ARHGAP32: variants seen among roughly 807,000 people sequenced by gnomAD.
The protein encoded by ARHGAP32 is Rho GTPase activating protein 32, also known as rho GTPase-activating protein 32.
Under a neutral mutation model 186.5 loss-of-function variants are expected in ARHGAP32, and 51 were observed. The ratio of observed to expected loss-of-function variants is 0.27; its 90% CI spans 0.22 to 0.35. The LOEUF (loss-of-function observed/expected upper bound fraction) is 0.35, where lower values mean the gene tolerates loss of function less well. Ranked by LOEUF, ARHGAP32 falls within the 10% of genes least tolerant of loss-of-function variation. The pLI, the probability that ARHGAP32 is intolerant of heterozygous loss-of-function variation, is 1.00. For synonymous variants in ARHGAP32, 950 were observed against 964.3 expected (o/e 0.99, Z 0.27); for missense variants, 2,186 against 2,623.5 (o/e 0.83, Z 3.64).
chr11:129,030,882 T>C (rs1177310849), intron 11 of ARHGAP32, among the ~76,000 whole-genome samples: 1 of 152,208 alleles, frequency 6.6e-6, no homozygotes, highest in East Asian at 1.9e-4. Flanking sequence ...TAGTGAATAC[T>C]CGTGAGATCT....
chr11:129,193,123 G>C (rs774874263), upstream of ARHGAP32, among the ~76,000 whole-genome samples: 38 of 151,830 alleles, frequency 2.5e-4, no homozygotes, highest in Non-Finnish European at 4.9e-4. Context: ...CACTGTATCT[G>C]ATTTAATCAA....
In ARHGAP32 at chr11:129,134,092, T is replaced by C. The variant is rs114034373; in HGVS notation, c.226-9198A>G. ...TTAGTAAATTGGAACCAAGAGTATG[T>C]AAAAAAGATAAAAACACTACGATCA... On this transcript the variant is annotated intron_variant, in intron 2 of 22. Coordinates refer to ENST00000682385, the MANE Select transcript of ARHGAP32 (RefSeq NM_001378024.1). 2.6e-3 allele frequency among the ~76,000 whole-genome samples: 399 copies of C among 151,928 alleles called. 5 individuals are homozygous for C. Among genetic ancestry groups the C allele is most frequent in the African/African-American group, 9.2e-3 (380 of 41,416 alleles).
intron 1 of ARHGAP32, among the ~76,000 whole-genome samples, chr11:129,171,382 T>C (rs1320757147): frequency 6.6e-6 from 1 of 152,236 alleles, no homozygotes; most frequent in Non-Finnish European, 1.5e-5. Context: ...TTCAGTTTTC[T>C]GTATATGGCT....
At chr11:129,217,263 T>G (rs1944659967) in intron 1 of ARHGAP32, among the ~76,000 whole-genome samples, 1 of 152,174 alleles carries the variant, frequency 6.6e-6, no homozygotes, top group South Asian at 2.1e-4. Context: ...CCCCCTTTCT[T>G]GTTAGCTATT....
Position 129,123,485 on chromosome 11 carries a change from C to T in ARHGAP32, c.405G>A (p.Ala135=), listed in dbSNP as rs1323223058. ...KGHFPKMAEC[A]HFHYENVEFG... The stretch of plus-strand genomic sequence containing the variant: ...ACTCAACATTCTCATAATGGAAATG[C>T]GCACATTCAGCCATCTTCGGAAAGT... The change falls in exon 5 of 23, where the codon GCG becomes GCA. Residue 135 remains alanine (A), a synonymous_variant. Coordinates refer to ENST00000682385, the MANE Select transcript of ARHGAP32 (RefSeq NM_001378024.1). The surrounding 1 kb of genome is among the most constrained non-coding windows in gnomAD (Gnocchi z 4.6). 2.5e-6 allele frequency: 4 copies of T among 1,612,714 alleles called. No homozygotes were observed. The highest frequency in any genetic ancestry group is 8.5e-7 in the Non-Finnish European group (1 of 1,179,072).
chr11:128,970,525 G>C lies in ARHGAP32; in HGVS notation c.4688C>G (p.Ser1563Cys), dbSNP rs1313642990. The C allele has an allele frequency of 1.2e-6, 2 of 1,614,182 alleles. No homozygotes were observed. Among genetic ancestry groups the C allele is most frequent in the Non-Finnish European group, 1.7e-6 (2 of 1,180,028 alleles). Residue 1563 changes from serine (S) to cysteine (C), a missense_variant, in exon 23 of 23, where the codon TCC becomes TGC. Physicochemically the swap from Ser to Cys is moderately radical, Grantham distance 112. Coordinates refer to ENST00000682385, the MANE Select transcript of ARHGAP32 (RefSeq NM_001378024.1). This position sits in a 1 kb window ranked among gnomAD's most constrained non-coding sequence, Gnocchi z 5.8. ...ATACTCGACCCGGCTGCATGGCTTG[G>C]AGTGGTGTCCAGATGCGTTTCTTCC... Reference protein sequence around the residue: ...APGRNASGHHSKPCSRVEYVS... With the variant: ...APGRNASGHHCKPCSRVEYVS...
intron 5 of ARHGAP32, among the ~76,000 whole-genome samples, chr11:129,113,716 A>G (rs1166975118): frequency 6.6e-6 from 1 of 152,134 alleles, no homozygotes; most frequent in African/African-American, 2.4e-5. Flanking sequence ...GGTCAGCTGT[A>G]CCTGAGATTT....
At chr11:129,220,480 C>T (rs1944698779) in intron 1 of ARHGAP32, among the ~76,000 whole-genome samples, 1 of 152,100 alleles carries the variant, frequency 6.6e-6, no homozygotes, top group Non-Finnish European at 1.5e-5. Context: ...CTGTCCAAAA[C>T]CTAAGTAGAG....
rs1004361023 is a variant in ARHGAP32 at position 128,985,165 on chromosome 11, C to T, written c.1526+838G>A. On this transcript the variant is annotated intron_variant, in intron 15 of 22. Coordinates refer to ENST00000682385, the MANE Select transcript of ARHGAP32 (RefSeq NM_001378024.1). ...CCCCGAGTAGCTGGGATTATAGGCGCGTGCTACCATGCCCGGCTAATTTTG... is the reference window on the plus strand; with the variant it reads ...CCCCGAGTAGCTGGGATTATAGGCGTGTGCTACCATGCCCGGCTAATTTTG... Among the ~76,000 whole-genome samples the T allele has an allele frequency of 3.9e-5, 6 of 152,002 alleles. No individual in the cohort carries two copies. The East Asian group carries it at 5.8e-4, about 15-fold the overall frequency.
chr11:129,135,753 C>A (rs753807935), intron 2 of ARHGAP32, among the ~76,000 whole-genome samples: 4 of 150,564 alleles, frequency 2.7e-5, no homozygotes, highest in Non-Finnish European at 4.4e-5. Flanking sequence ...GGCAACAGAG[C>A]GAGACTCCAT....
At chr11:129,023,270 G>C (rs1938681177) in intron 11 of ARHGAP32, among the ~76,000 whole-genome samples, 1 of 152,122 alleles carries the variant, frequency 6.6e-6, no homozygotes, top group Admixed American at 6.5e-5. Context: ...ATATTTTATG[G>C]ATGGAGATGG....
In ARHGAP32 at chr11:129,123,791, A is replaced by G. The variant is rs1942592010; in HGVS notation, c.359+97T>C. 1.1e-5 allele frequency: 12 copies of G among 1,063,968 alleles called. No homozygotes were observed. The highest frequency in any genetic ancestry group is 1.5e-5 in the Non-Finnish European group (12 of 780,770). 65.9% of individuals were successfully genotyped at this position (1,063,968 alleles called of 1,614,324 possible). A position where few individuals can be genotyped will look rare whatever the true frequency, so the allele number is the denominator to read the frequency against. On this transcript the variant is annotated intron_variant, in intron 4 of 22. Transcript: ENST00000682385. This position sits in a 1 kb window ranked among gnomAD's most constrained non-coding sequence, Gnocchi z 4.6. ...AATTTTGACCCGAATCAATGTCCAT[A>G]GAAAAACTGCTATTTTCGGCAAATG...
chr11:129,145,777 A>T (rs908575933), intron 2 of ARHGAP32, among the ~76,000 whole-genome samples: 1 of 152,164 alleles, frequency 6.6e-6, no homozygotes, highest in Non-Finnish European at 1.5e-5. Flanking sequence ...GACTCCAACT[A>T]TCAGAGTTCT....
chr11:128,969,547 G>C lies in ARHGAP32; in HGVS notation c.5666C>G (p.Pro1889Arg). The C allele has an allele frequency of 1.9e-6, 3 of 1,614,154 alleles. No homozygotes were observed. Among genetic ancestry groups the C allele is most frequent in the Non-Finnish European group, 2.5e-6 (3 of 1,180,040 alleles). ...TGCTTCTTGGTGTGCCCTGTGCTCA[G>C]GAAGACTGCAGCCCATGTCAGGAAG... The part of the protein sequence containing the change: ...RKLPDMGCSL[P>R]EHRAHQEASH... The change falls in exon 23 of 23, where the codon CCT becomes CGT. Residue 1889 changes from proline (P) to arginine (R), a missense_variant. Coordinates refer to ENST00000682385, the MANE Select transcript of ARHGAP32 (RefSeq NM_001378024.1). This position sits in a 1 kb window ranked among gnomAD's most constrained non-coding sequence, Gnocchi z 4.8.
intron 1 of ARHGAP32, among the ~76,000 whole-genome samples, chr11:129,271,274 GT>G (rs112607287): frequency 0.023 from 3,539 of 151,980 alleles, 129 homozygotes; most frequent in African/African-American, 0.076. Context: ...CCTAGCCTAG[GT>G]TTTTGCCAGT....
intron 11 of ARHGAP32, among the ~76,000 whole-genome samples, chr11:129,034,601 C>A (rs887825909): frequency 6.6e-6 from 1 of 150,854 alleles, no homozygotes; most frequent in Admixed American, 6.6e-5. Context: ...TAGCTTTATG[C>A]GAGAAAAGAA....
At chr11:129,121,537 C>T (rs1942529230) in intron 5 of ARHGAP32, among the ~76,000 whole-genome samples, 1 of 152,026 alleles carries the variant, frequency 6.6e-6, no homozygotes, top group Admixed American at 6.6e-5. Flanking sequence ...TGGCAAGGTG[C>T]AGCTGGGCTG....
chr11:129,043,301 T>A (rs116641636), intron 10 of ARHGAP32, among the ~76,000 whole-genome samples: 1,610 of 152,182 alleles, frequency 0.011, 22 homozygotes, highest in African/African-American at 0.029. Flanking sequence ...CTGGATTGAG[T>A]TGAATTATGT....
intron 11 of ARHGAP32, among the ~76,000 whole-genome samples, chr11:129,038,137 A>G (rs1024065361): frequency 6.6e-6 from 1 of 151,992 alleles, no homozygotes; most frequent in Non-Finnish European, 1.5e-5. Flanking sequence ...AAATCAATGG[A>G]AGAAAACTGG....
Sources: gnomAD v4.1 joint callset for allele counts (sites outside exome capture counted in the v4.1 genomes callset) on GRCh38, gnomAD v4.1.1 for gene constraint, Gnocchi (gnomAD v3.1) non-coding constraint, MANE v1.5 for transcripts, NCBI Gene and HGNC (gene_info 2026-07-23, HGNC 2026-07-21) for gene names.